Variants in ACBD5 observed in about 807,000 individuals in gnomAD.
The protein encoded by ACBD5 is acyl-CoA-binding domain-containing protein 5.
A neutral mutation model predicts 71.8 loss-of-function variants in ACBD5; 40 were observed. The observed-to-expected ratio is 0.56, with a 90% CI of 0.43 to 0.72. ACBD5 has a LOEUF of 0.72. ACBD5 is among the 30% of genes least tolerant of loss of function. The probability of loss-of-function intolerance (pLI) is 0.00; values close to 1 mark genes in which losing one functional copy is unlikely to be tolerated. For synonymous variants in ACBD5, 229 were observed against 218.6 expected (o/e 1.05, Z -0.42); for missense variants, 559 against 644.5 (o/e 0.87, Z 1.44).
At chr10:27,225,437 TGAGA>T (rs954390396) in intron 4 of ACBD5, among the ~76,000 whole-genome samples, 1 of 152,138 alleles carries the variant, frequency 6.6e-6, no homozygotes, top group African/African-American at 2.4e-5. Flanking sequence ...AGGAGGTTGT[TGAGA>T]GAGATTACAC....
intron 13 of ACBD5, among the ~76,000 whole-genome samples, chr10:27,182,845 A>C (rs937033051): frequency 9.3e-5 from 14 of 150,730 alleles, no homozygotes; most frequent in Middle Eastern, 6.8e-3. Flanking sequence ...ACAGTGTCTC[A>C]CTATGTTGCT....
chr10:27,196,696 T>C lies in ACBD5; in HGVS notation c.*734A>G, dbSNP rs1001838053. ...ACATTTATATGATTGAATAAAAACCTGATTAATCATCTACAGGCTCAGAAT... is the reference window on the plus strand; with the variant it reads ...ACATTTATATGATTGAATAAAAACCCGATTAATCATCTACAGGCTCAGAAT... On this transcript the variant is annotated 3_prime_UTR_variant, in exon 13 of 13. Coordinates refer to ENST00000396271, the MANE Select transcript of ACBD5 (RefSeq NM_145698.5). The C allele has an allele frequency of 1.0e-4, 46 of 454,550 alleles. No homozygotes were observed. The Admixed American group carries it at 1.1e-3, about 10-fold the overall frequency. The allele number at this position is 454,550 out of a possible 1,614,324, so 28.2% of individuals were successfully genotyped here.
intron 9 of ACBD5, among the ~76,000 whole-genome samples, chr10:27,209,661 T>A (rs1181406942): frequency 6.6e-6 from 1 of 152,194 alleles, no homozygotes; most frequent in East Asian, 1.9e-4. Context: ...TATTCTAAAT[T>A]GTGTGTTCCT....
At chr10:27,212,377 C>T (rs1173987577) in intron 8 of ACBD5, among the ~76,000 whole-genome samples, 1 of 152,086 alleles carries the variant, frequency 6.6e-6, no homozygotes, top group Non-Finnish European at 1.5e-5. Flanking sequence ...AGAGAGAAAA[C>T]AGGAACAAAA....
In ACBD5 at chr10:27,215,406, T is replaced by C. The variant is rs10466100; in HGVS notation, c.936+129A>G. On this transcript the variant is annotated intron_variant, in intron 8 of 12. Coordinates refer to ENST00000396271, the MANE Select transcript of ACBD5 (RefSeq NM_145698.5). ...CATAAAAAATAGTTTAAAATACAAA[T>C]GTTTAAACATTTTAGGAGTATCTTT... is the stretch of plus-strand genomic sequence containing the variant. 0.046 allele frequency: 31,115 copies of C among 677,364 alleles called. 1,443 individuals are homozygous for C. The highest frequency in any genetic ancestry group is 0.17 in the African/African-American group (9,350 of 55,016). The allele number at this position is 677,364 out of a possible 1,614,324, so 42.0% of individuals were successfully genotyped here.
intron 8 of ACBD5, among the ~76,000 whole-genome samples, chr10:27,212,169 C>T (rs1284911168): frequency 4.6e-5 from 7 of 152,112 alleles, no homozygotes; most frequent in African/African-American, 9.7e-5. Context: ...GCCAACATGA[C>T]GAGACCCCGT....
intron 12 of ACBD5, among the ~76,000 whole-genome samples, chr10:27,199,379 A>T (rs1430390320): frequency 6.6e-6 from 1 of 151,904 alleles, no homozygotes; most frequent in East Asian, 2.0e-4. Flanking sequence ...TTCTAAGGTA[A>T]TAGAGTGAAC....
At chr10:27,219,535 C>T (rs1320707632) in intron 6 of ACBD5, among the ~76,000 whole-genome samples, 188 bp downstream of exon 6, 2 of 152,150 alleles carry the variant, frequency 1.3e-5, no homozygotes, top group African/African-American at 4.8e-5. Flanking sequence ...ATTCCATTTA[C>T]GCATAAGGTT....
At chr10:27,204,585 C>A in intron 11 of ACBD5, 36 bp from the exon 12 acceptor site, 1 of 1,439,348 alleles carries the variant, frequency 6.9e-7, no homozygotes, top group South Asian at 1.1e-5. Flanking sequence ...CCAATCTATT[C>A]AATACTGCAT....
Position 27,195,832 on chromosome 10 carries a change from C to T in ACBD5, c.*1598G>A, listed in dbSNP as rs2059332674. 2.3e-6 allele frequency: 1 copy of T among 443,682 alleles called. No homozygotes were observed. Among genetic ancestry groups the T allele is most frequent in the African/African-American group, 2.0e-5 (1 of 49,562 alleles). The allele number at this position is 443,682 out of a possible 1,614,324, so 27.5% of individuals were successfully genotyped here. A position where few individuals can be genotyped will look rare whatever the true frequency, so the allele number is the denominator to read the frequency against. On this transcript the variant is annotated 3_prime_UTR_variant, in exon 13 of 13. Transcript: ENST00000396271. ...AAAGAACCATTCTGTATACTAAAGA[C>T]AGATTATTTCTTATTTAAAACACTG...
intron 13 of ACBD5, among the ~76,000 whole-genome samples, chr10:27,185,330 T>C (rs1269611725): frequency 1.3e-5 from 2 of 152,138 alleles, no homozygotes; most frequent in Non-Finnish European, 2.9e-5. Context: ...GAGTCAGGGA[T>C]TCTTTAACAA....
At chr10:27,186,709 T>A in intron 13 of ACBD5, 1 of 644,244 alleles carries the variant, frequency 1.6e-6, no homozygotes, top group Non-Finnish European at 2.7e-6. Context: ...AGGAATATAG[T>A]CAGTAATTTA....
At chr10:27,228,287 G>T (rs1013715002) in intron 4 of ACBD5, among the ~76,000 whole-genome samples, 10 of 97,596 alleles carry the variant, frequency 1.0e-4, no homozygotes, top group African/African-American at 2.9e-4. Flanking sequence ...AAAAAAAATA[G>T]AATTTTGGCC....
Position 27,197,157 on chromosome 10 carries a change from T to C in ACBD5, c.*273A>G, listed in dbSNP as rs765656824. The C allele has an allele frequency of 2.6e-5, 14 of 548,194 alleles. No homozygotes were observed. Among genetic ancestry groups the C allele is most frequent in the Non-Finnish European group, 4.7e-5 (14 of 300,140 alleles). 34.0% of individuals were successfully genotyped at this position (548,194 alleles called of 1,614,324 possible). ...TACCAAATGATCATTAATAATTTAA[T>C]GTCCTTCAAGTTCAAGGGCAGGGTA... On this transcript the variant is annotated 3_prime_UTR_variant, in exon 13 of 13. Transcript: ENST00000396271.
At chr10:27,188,124 G>C (rs1181587238) in intron 13 of ACBD5, among the ~76,000 whole-genome samples, 6 of 152,282 alleles carry the variant, frequency 3.9e-5, no homozygotes, top group Middle Eastern at 3.4e-3. Flanking sequence ...AATGGTTACA[G>C]TGAAAGATAC....
Position 27,196,455 on chromosome 10 carries a change from G to T in ACBD5, c.*975C>A, listed in dbSNP as rs546908383. Reference sequence around the variant, plus strand: ...CCTCCAGTACTCCTGTGAAGTAGGTGTATCTAAAATAGTATACCCCGAAGG... The same window carrying T: ...CCTCCAGTACTCCTGTGAAGTAGGTTTATCTAAAATAGTATACCCCGAAGG... On this transcript the variant is annotated 3_prime_UTR_variant, in exon 13 of 13. Coordinates refer to ENST00000396271, the MANE Select transcript of ACBD5 (RefSeq NM_145698.5). 2.2e-6 allele frequency: 1 copy of T among 454,444 alleles called. No individual in the cohort carries two copies. The highest frequency in any genetic ancestry group is 2.0e-5 in the African/African-American group (1 of 50,100). 28.2% of individuals were successfully genotyped at this position (454,444 alleles called of 1,614,324 possible). A position where few individuals can be genotyped will look rare whatever the true frequency, so the allele number is the denominator to read the frequency against.
chr10:27,206,980 T>C lies in ACBD5; in HGVS notation c.1404+1266A>G, dbSNP rs115286657. 4.8e-3 allele frequency among the ~76,000 whole-genome samples: 724 copies of C among 151,668 alleles called. 5 individuals carry two copies. Among genetic ancestry groups the C allele is most frequent in the African/African-American group, 0.017 (701 of 41,368 alleles). On this transcript the variant is annotated intron_variant, in intron 10 of 12. Coordinates refer to ENST00000396271, the MANE Select transcript of ACBD5 (RefSeq NM_145698.5). ...TAGGAATTTGCAGTCTGATTAATAA[T>C]AATATGTAACTGAGAGGCCGGGCAC...
At chr10:27,203,777 AT>A (rs1283628208) in intron 12 of ACBD5, among the ~76,000 whole-genome samples, 12 of 152,082 alleles carry the variant, frequency 7.9e-5, no homozygotes, top group African/African-American at 2.9e-4. Flanking sequence ...AATTAAAAAA[AT>A]AAAAGTACCT....
intron 4 of ACBD5, among the ~76,000 whole-genome samples, chr10:27,226,677 C>T (rs575103238): frequency 9.3e-5 from 14 of 150,032 alleles, no homozygotes; most frequent in Non-Finnish European, 1.5e-4. Flanking sequence ...TTTGCGACAG[C>T]GTCTCACTCT....
Sources: allele counts gnomAD v4.1 joint callset (sites outside exome capture counted in the v4.1 genomes callset), GRCh38; gene constraint gnomAD v4.1.1; transcripts MANE v1.5; gene names NCBI Gene and HGNC (gene_info 2026-07-23, HGNC 2026-07-21).